Variants in GLYATL1B observed in about 807,000 individuals in gnomAD.
GLYATL1B encodes putative glycine N-acyltransferase-like protein 1B.
GLYATL1B carries 6 observed loss-of-function variants against 5.5 expected under a neutral mutation model. The ratio of observed to expected loss-of-function variants is 1.09; its 90% CI spans 0.60 to 2.15. The LOEUF (loss-of-function observed/expected upper bound fraction) is 2.15, where lower values mean the gene tolerates loss of function less well. Among genes scored for constraint, GLYATL1B ranks in the 30% most tolerant of loss-of-function variants. GLYATL1B has a pLI of 0.00. For missense variants in GLYATL1B, 135 were observed against 94.1 expected (o/e 1.43, Z -1.80); for synonymous variants, 67 against 34.9 (o/e 1.92, Z -3.24).
At chr11:59,090,601 T>C (rs1859287536) in intron 2 of GLYATL1B, among the ~76,000 whole-genome samples, 1 of 152,026 alleles carries the variant, frequency 6.6e-6, no homozygotes, top group Non-Finnish European at 1.5e-5. Flanking sequence ...TATTGCTTTC[T>C]ATTTATATTC....
chr11:59,091,830 C>T (rs1859318413), intron 2 of GLYATL1B, among the ~76,000 whole-genome samples: 1 of 152,120 alleles, frequency 6.6e-6, no homozygotes, highest in Admixed American at 6.5e-5. Context: ...ATCAAAGGTG[C>T]ATTGGATAAA....
intron 2 of GLYATL1B, among the ~76,000 whole-genome samples, chr11:59,091,631 T>C (rs1859313304): frequency 6.6e-6 from 1 of 152,224 alleles, no homozygotes; most frequent in South Asian, 2.1e-4. Flanking sequence ...TTAGGATTAT[T>C]ACACTGTGGA....
chr11:59,089,364 G>A (rs1297834523), intron 2 of GLYATL1B, among the ~76,000 whole-genome samples: 1 of 152,062 alleles, frequency 6.6e-6, no homozygotes, highest in Admixed American at 6.6e-5. Context: ...CAATGCAATT[G>A]GTTTCCAAAA....
chr11:59,094,013 C>T lies in GLYATL1B; in HGVS notation c.393C>T (p.Leu131=), dbSNP rs944041330. ...NSVKVEHSRA[L]LFVTEDILKL... is the part of the protein sequence containing the mutation. ...TGAAGGTAGAGCATTCGAGAGCACT[C>T]CTCTTTGTTACGGAAGATATCCTGA... The change falls in exon 4 of 5, where the codon CTC becomes CTT. Residue 131 remains leucine, a synonymous_variant. Transcript: ENST00000527482. The T allele has an allele frequency of 1.7e-5, 12 of 715,212 alleles. No individual in the cohort carries two copies. Among genetic ancestry groups the T allele is most frequent in the Middle Eastern group, 2.4e-4 (1 of 4,224 alleles). The allele number at this position is 715,212 out of a possible 1,614,324, so 44.3% of individuals were successfully genotyped here.
chr11:59,086,471 C>T (rs113314502), intron 1 of GLYATL1B, 87 bp downstream of exon 1: 8 of 396,184 alleles, frequency 2.0e-5, no homozygotes, highest in Middle Eastern at 1.3e-3. Flanking sequence ...TCCTTCCTGA[C>T]TTTGTGCAGA....
chr11:59,093,282 T>C (rs953294365), intron 2 of GLYATL1B, among the ~76,000 whole-genome samples: 1 of 152,244 alleles, frequency 6.6e-6, no homozygotes, highest in African/African-American at 2.4e-5. Context: ...GTCTTTGTTA[T>C]GTATCTGAGA....
chr11:59,093,384 T>C lies in GLYATL1B; in HGVS notation c.187-145T>C, dbSNP rs577385858. ...GTCAGCAGTAGCTTATAGGTCTCAC[T>C]TATATTATCCACGTGCCCAACTGCA... On this transcript the variant is annotated intron_variant, in intron 2 of 4. Transcript: ENST00000527482. 19 of 377,608 alleles carry C rather than the reference T, an allele frequency of 5.0e-5. No homozygotes were observed. In the East Asian group the frequency reaches 7.2e-4, roughly 14 times the overall value. 23.4% of individuals were successfully genotyped at this position (377,608 alleles called of 1,614,324 possible).
intron 2 of GLYATL1B, among the ~76,000 whole-genome samples, chr11:59,088,019 A>C (rs1321964804): frequency 7.2e-5 from 11 of 152,202 alleles, no homozygotes; most frequent in Non-Finnish European, 1.2e-4. Flanking sequence ...AGAAATATTC[A>C]GTCAGGTAGC....
chr11:59,094,705 G>C lies in GLYATL1B; in HGVS notation c.828G>C (p.Lys276Asn). The C allele has an allele frequency of 2.2e-6, 1 of 455,134 alleles. No individual in the cohort carries two copies. The highest frequency in any genetic ancestry group is 2.0e-5 in the African/African-American group (1 of 50,402). The allele number at this position is 455,134 out of a possible 1,614,324, so 28.2% of individuals were successfully genotyped here. A position where few individuals can be genotyped will look rare whatever the true frequency, so the allele number is the denominator to read the frequency against. Residue 276 changes from lysine (K) to asparagine (N), a missense_variant, in exon 5 of 5, where the codon AAG (lysine) becomes AAC (asparagine). Lys to Asn is a moderately conservative substitution (Grantham distance 94). Transcript: ENST00000527482. ...AAGAAAATCAAGGCGTCATCAGAAAGACTAGTGCACTAGGTTTCCTTGAGG... is the reference window on the plus strand; with the variant it reads ...AAGAAAATCAAGGCGTCATCAGAAACACTAGTGCACTAGGTTTCCTTGAGG... ...VLEENQGVIR[K>N]TSALGFLEAS...
At chr11:59,092,363 T>G (rs1465395917) in intron 2 of GLYATL1B, among the ~76,000 whole-genome samples, 2 of 152,172 alleles carry the variant, frequency 1.3e-5, no homozygotes, top group Non-Finnish European at 2.9e-5. Context: ...TATTTTCTAG[T>G]CTACTTTGAT....
chr11:59,087,680 A>T (rs1859218463), intron 2 of GLYATL1B, among the ~76,000 whole-genome samples: 1 of 152,152 alleles, frequency 6.6e-6, no homozygotes, highest in South Asian at 2.1e-4. Context: ...CCTCATCTCT[A>T]CAAAAAAATA....
intron 2 of GLYATL1B, 100 bp from the exon 3 acceptor site, chr11:59,093,429 A>G (rs1859362286): frequency 4.7e-6 from 2 of 425,374 alleles, no homozygotes; most frequent in East Asian, 6.9e-5. Context: ...GGCTAGTGCT[A>G]AAACTTTCTT....
chr11:59,092,720 C>A (rs537251749), intron 2 of GLYATL1B, among the ~76,000 whole-genome samples: 13 of 152,302 alleles, frequency 8.5e-5, no homozygotes, highest in African/African-American at 3.1e-4. Context: ...TTCTTTAAAA[C>A]CCATGAGTCT....
At chr11:59,094,174 T>C in intron 4 of GLYATL1B, 63 bp downstream of exon 4, 1 of 530,918 alleles carries the variant, frequency 1.9e-6, no homozygotes, top group Non-Finnish European at 3.4e-6. Flanking sequence ...GTAATTCACA[T>C]AAATCAGTTT....
intron 2 of GLYATL1B, among the ~76,000 whole-genome samples, chr11:59,090,387 G>A (rs2135382373): frequency 6.6e-6 from 1 of 152,032 alleles, no homozygotes; most frequent in Non-Finnish European, 1.5e-5. Flanking sequence ...TAATATTTTT[G>A]TGATACTAAA....
intron 2 of GLYATL1B, among the ~76,000 whole-genome samples, chr11:59,093,073 G>A (rs530140929): frequency 6.6e-6 from 1 of 152,286 alleles, no homozygotes; most frequent in East Asian, 1.9e-4. Context: ...GGGGTTATGT[G>A]GGGCACAGTA....
chr11:59,088,165 T>C (rs1447768092), intron 2 of GLYATL1B, among the ~76,000 whole-genome samples: 11 of 152,178 alleles, frequency 7.2e-5, no homozygotes, highest in Non-Finnish European at 1.2e-4. Context: ...TAGGAGGACA[T>C]TCTTCAGAGG....
In GLYATL1B at chr11:59,093,558, T is replaced by A. The variant is rs552424578; in HGVS notation, c.216T>A (p.Thr72=). ...TGACTGATGACATGGATTCATACAC[T>A]AATGTATATCGTGTATTCTCCAAAG... ...QEMTDDMDSY[T]NVYRVFSKDP... Residue 72 remains threonine, a synonymous_variant, in exon 3 of 5, where the codon ACT becomes ACA. Coordinates refer to ENST00000527482, the MANE Select transcript of GLYATL1B (RefSeq NM_001355566.1). 6.2e-6 allele frequency: 3 copies of A among 481,132 alleles called. No individual in the cohort carries two copies. The highest frequency in any genetic ancestry group is 5.9e-5 in the African/African-American group (3 of 50,712). The allele number at this position is 481,132 out of a possible 1,614,324, so 29.8% of individuals were successfully genotyped here.
At chr11:59,091,489 C>G (rs1460067985) in intron 2 of GLYATL1B, among the ~76,000 whole-genome samples, 2 of 152,118 alleles carry the variant, frequency 1.3e-5, no homozygotes, top group African/African-American at 4.8e-5. Flanking sequence ...TCTAACCCAG[C>G]CCCTTTCCCT....
Sources: gnomAD v4.1 joint callset for allele counts (sites outside exome capture counted in the v4.1 genomes callset) on GRCh38, gnomAD v4.1.1 for gene constraint, MANE v1.5 for transcripts, NCBI Gene and HGNC (gene_info 2026-07-23, HGNC 2026-07-21) for gene names.